ABCA13: variants seen among roughly 807,000 people sequenced by gnomAD.
ABCA13 encodes the protein ATP binding cassette subfamily A member 13.
Under a neutral mutation model 478.7 loss-of-function variants are expected in ABCA13, and 476 were observed. The ratio of observed to expected loss-of-function variants is 0.99; its 90% confidence interval spans 0.92 to 1.07. ABCA13 has a LOEUF of 1.07. Ranked by LOEUF, ABCA13 falls within the 50% of genes least tolerant of loss-of-function variation. ABCA13 has a pLI of 0.00. For missense variants in ABCA13, 6,060 were observed against 5,910.6 expected, an observed-to-expected ratio of 1.03 and a Z score of -0.83; for synonymous variants, 2,252 against 2,158.9, an observed-to-expected ratio of 1.04 and a Z score of -1.20.
At position 48,443,423 on chromosome 7, in the gene ABCA13, T is replaced by C. The variant is rs1055840976; in HGVS notation, c.12566-11614T>C. ...AGCTGGCCCCCACGGGCACTGGCCA[T>C]GGCACAGCACTCACGCATCCTCTGT... On this transcript the variant is annotated intron_variant, in intron 42 of 61. Transcript: ENST00000435803. Among the ~76,000 whole-genome samples, 5 of 152,296 alleles carry C rather than the reference T, an allele frequency of 3.3e-5. No homozygotes were observed. In the South Asian group the frequency reaches 6.2e-4, roughly 19 times the overall value.
At chr7:48,570,279 C>T (rs1263761016) in intron 55 of ABCA13, among the ~76,000 whole-genome samples, 1 of 136,906 alleles carries the variant, frequency 7.3e-6, no homozygotes, top group African/African-American at 2.8e-5. Context: ...CCTCAGCTCT[C>T]TTTTGGATAC....
intron 27 of ABCA13, among the ~76,000 whole-genome samples, chr7:48,331,673 A>G (rs1805425454): frequency 6.6e-6 from 1 of 152,182 alleles, no homozygotes; most frequent in African/African-American, 2.4e-5. Flanking sequence ...ATCTCATGAC[A>G]CTACCTATAA....
At chr7:48,543,573 G>A (rs1010965973) in intron 55 of ABCA13, among the ~76,000 whole-genome samples, 2 of 151,452 alleles carry the variant, frequency 1.3e-5, no homozygotes, top group African/African-American at 2.4e-5. Flanking sequence ...GCAGTGAGCC[G>A]AGATCGCACC....
chr7:48,410,977 C>CTCTGTCTTTCTT (rs1554499567), intron 40 of ABCA13, among the ~76,000 whole-genome samples: 1 of 104,642 alleles, frequency 9.6e-6, no homozygotes, highest in Non-Finnish European at 2.0e-5. Context: ...AAATTCTTTT[C>CTCTGTCTTTCTT]TCTTTCTTTC....
chr7:48,182,239 C>T (rs896647442), intron 1 of ABCA13, among the ~76,000 whole-genome samples: 23 of 152,332 alleles, frequency 1.5e-4, no homozygotes, highest in Admixed American at 2.6e-4. Context: ...TGAAAATGCT[C>T]TATCGATACC....
At chr7:48,254,362 C>A (rs903230737) in intron 15 of ABCA13, among the ~76,000 whole-genome samples, 1 of 152,068 alleles carries the variant, frequency 6.6e-6, no homozygotes, top group African/African-American at 2.4e-5. Flanking sequence ...TTATGAGGCT[C>A]AAGTGATCCT....
chr7:48,376,953 C>CTAG (rs972652375), intron 35 of ABCA13, among the ~76,000 whole-genome samples: 79 of 152,116 alleles, frequency 5.2e-4, no homozygotes, highest in African/African-American at 1.9e-3. Flanking sequence ...AAAGTCACTC[C>CTAG]TAGTGGGGAT....
At chr7:48,381,490 C>T (rs1442789026) in intron 35 of ABCA13, among the ~76,000 whole-genome samples, 3 of 152,100 alleles carry the variant, frequency 2.0e-5, no homozygotes, top group African/African-American at 7.2e-5. Flanking sequence ...TTTCTCAGCC[C>T]CGGTGTCTGA....
chr7:48,400,875 G>A (rs1465750099), intron 38 of ABCA13, among the ~76,000 whole-genome samples: 1 of 152,202 alleles, frequency 6.6e-6, no homozygotes, highest in African/African-American at 2.4e-5. Flanking sequence ...TGATTAAAAT[G>A]CCATGAGTGC....
intron 35 of ABCA13, 147 bp from the exon 36 acceptor site, chr7:48,387,675 G>A (rs557434733): frequency 2.4e-5 from 17 of 708,342 alleles, no homozygotes; most frequent in Admixed American, 9.9e-5. Context: ...TAATAGCTGT[G>A]CCCTGGGATA....
chr7:48,347,754 A>C (rs1808333621), intron 29 of ABCA13, among the ~76,000 whole-genome samples: 1 of 152,224 alleles, frequency 6.6e-6, no homozygotes, highest in Admixed American at 6.5e-5. Flanking sequence ...TGGAGTCTTA[A>C]AGCAAGATAA....
chr7:48,458,045 T>A (rs889931858), intron 43 of ABCA13, among the ~76,000 whole-genome samples: 48 of 152,310 alleles, frequency 3.2e-4, no homozygotes, highest in Non-Finnish European at 2.1e-4. Context: ...TCCACTGACA[T>A]TCATTACTTT....
intron 31 of ABCA13, among the ~76,000 whole-genome samples, chr7:48,352,723 ATC>A (rs764006947): frequency 2.0e-5 from 3 of 152,210 alleles, no homozygotes; most frequent in South Asian, 4.1e-4. Flanking sequence ...GACATCAGGC[ATC>A]ATCTATAGTT....
intron 56 of ABCA13, among the ~76,000 whole-genome samples, chr7:48,583,611 C>A (rs960250789): frequency 1.3e-5 from 2 of 152,156 alleles, no homozygotes; most frequent in Non-Finnish European, 2.9e-5. Flanking sequence ...CATCCGCAAA[C>A]GAAAGCATCC....
chr7:48,209,004 A>G (rs1319152002), intron 3 of ABCA13, among the ~76,000 whole-genome samples: 7 of 152,056 alleles, frequency 4.6e-5, no homozygotes, highest in Admixed American at 2.6e-4. Context: ...GAGAGTTTGT[A>G]TCATAAAGGA....
At chr7:48,494,520 C>A (rs1830106725) in intron 48 of ABCA13, among the ~76,000 whole-genome samples, 1 of 152,062 alleles carries the variant, frequency 6.6e-6, no homozygotes, top group Admixed American at 6.6e-5. Flanking sequence ...ATGCAAAGCA[C>A]CAGTACTAGC....
intron 48 of ABCA13, among the ~76,000 whole-genome samples, chr7:48,491,284 A>T (rs1179299347): frequency 6.6e-6 from 1 of 152,204 alleles, no homozygotes; most frequent in Admixed American, 6.5e-5. Context: ...TGATAGATAA[A>T]GGTGTTGGTA....
chr7:48,562,103 A>AT (rs1262639782), intron 55 of ABCA13, among the ~76,000 whole-genome samples: 2 of 127,032 alleles, frequency 1.6e-5, no homozygotes, highest in Admixed American at 7.9e-5. Flanking sequence ...ATGCATATGT[A>AT]TGGGGGGGGA....
chr7:48,403,841 G>T lies in ABCA13; in HGVS notation c.12032G>T (p.Arg4011Leu). ...ACCAGTGGGGTGGACCCTTGCTCCC[G>T]GCATAGCCTGTGGGACATTCTGCTC... ...EPTSGVDPCS[R>L]HSLWDILLKY... Residue 4011 changes from arginine (R) to leucine (L), a missense_variant, in exon 39 of 62, where the codon CGG (arginine) becomes CTG (leucine). Coordinates refer to ENST00000435803, the MANE Select transcript of ABCA13 (RefSeq NM_152701.5). The T allele has an allele frequency of 6.2e-7, 1 of 1,613,492 alleles. No homozygotes were observed. Among genetic ancestry groups the T allele is most frequent in the Non-Finnish European group, 8.5e-7 (1 of 1,179,656 alleles).
Sources: gnomAD v4.1 joint callset for allele counts (sites outside exome capture counted in the v4.1 genomes callset) on GRCh38, gnomAD v4.1.1 for gene constraint, MANE v1.5 for transcripts, NCBI Gene and HGNC (gene_info 2026-07-23, HGNC 2026-07-21) for gene names.